The following DDX19B variants were observed in gnomAD, a reference collection of about 807,000 sequenced individuals.
DDX19B encodes DEAD-box helicase 19B.
A neutral mutation model predicts 58.1 loss-of-function variants in DDX19B; 27 were observed. That is an observed-to-expected ratio of 0.46 (90% CI 0.34 to 0.64). The LOEUF is 0.64. DDX19B is among the 30% of genes least tolerant of loss of function. The probability of loss-of-function intolerance (pLI) is 0.01; values close to 1 mark genes in which losing one functional copy is unlikely to be tolerated. For synonymous variants in DDX19B, 187 were observed against 214.4 expected, an observed-to-expected ratio of 0.87 and a Z score of 1.12; for missense variants, 399 against 596.5, an observed-to-expected ratio of 0.67 and a Z score of 3.45.
rs533356540 is a variant in DDX19B, at chr16:70,331,329, G to A, written c.1024-393G>A. Among the ~76,000 whole-genome samples the A allele has an allele frequency of 3.9e-5, 6 of 152,144 alleles. No individual in the cohort carries two copies. In the East Asian group the frequency reaches 5.8e-4, roughly 15 times the overall value. On this transcript the variant is annotated intron_variant, in intron 9 of 11. Transcript: ENST00000288071. Reference sequence around the variant, plus strand: ...TCCCAAAGCCTAAGACTACAGGCACGAGCCACCATATCTGGCAAGAACATA... The same window carrying A: ...TCCCAAAGCCTAAGACTACAGGCACAAGCCACCATATCTGGCAAGAACATA...
chr16:70,292,653 AGC>A (rs1444904926), upstream of DDX19B, among the ~76,000 whole-genome samples: 1 of 152,118 alleles, frequency 6.6e-6, no homozygotes, highest in African/African-American at 2.4e-5. Flanking sequence ...CTCTAGGCTA[AGC>A]AAATAGGCCT....
chr16:70,300,395 A>G (rs1489704567), intron 1 of DDX19B, among the ~76,000 whole-genome samples: 1 of 151,014 alleles, frequency 6.6e-6, no homozygotes, highest in Non-Finnish European at 1.5e-5. Context: ...TTTTGTAGAG[A>G]TGGGGACTTG....
upstream of DDX19B, among the ~76,000 whole-genome samples, chr16:70,293,001 A>G (rs1961099393): frequency 6.6e-6 from 1 of 151,982 alleles, no homozygotes; most frequent in Non-Finnish European, 1.5e-5. Context: ...AGCTACTCAG[A>G]AGGCTGAGGC....
At chr16:70,309,962 C>A (rs1212188872) in intron 1 of DDX19B, among the ~76,000 whole-genome samples, 1 of 151,952 alleles carries the variant, frequency 6.6e-6, no homozygotes, top group Non-Finnish European at 1.5e-5. Context: ...AACAGAAATG[C>A]GGCCTAATGC....
At chr16:70,299,111 G>C, upstream of DDX19B, 1 of 1,327,530 alleles carries the variant, frequency 7.5e-7, no homozygotes, top group Middle Eastern at 2.8e-4. Context: ...CAACAGAATC[G>C]ACAGCCTCAA....
chr16:70,314,812 C>T (rs1420016118), intron 2 of DDX19B, 90 bp from the exon 3 acceptor site: 1 of 1,467,966 alleles, frequency 6.8e-7, no homozygotes, highest in East Asian at 2.4e-5. Flanking sequence ...CAGGCCTTTA[C>T]AAAAACTTCT....
chr16:70,321,950 G>A (rs1428241714), intron 5 of DDX19B, among the ~76,000 whole-genome samples: 3 of 151,852 alleles, frequency 2.0e-5, no homozygotes, highest in Non-Finnish European at 1.5e-5. Context: ...CAAAAGAATC[G>A]CTTGAACCTG....
chr16:70,312,670 T>C lies in DDX19B; in HGVS notation c.106+13T>C, dbSNP rs780041729. On this transcript the variant is annotated intron_variant, in intron 2 of 11. Coordinates refer to ENST00000288071, the MANE Select transcript of DDX19B (RefSeq NM_007242.7). ...CCAGATACCAATGGTAAGTAACTAA[T>C]AGCTAGTTTGAAAACAAATGTGATT... The C allele has an allele frequency of 1.2e-6, 2 of 1,600,428 alleles. No homozygotes were observed. Among genetic ancestry groups the C allele is most frequent in the African/African-American group, 1.3e-5 (1 of 74,420 alleles).
chr16:70,289,783 G>A (rs1434175321), upstream of DDX19B: 1 of 336,976 alleles, frequency 3.0e-6, no homozygotes, highest in Non-Finnish European at 5.7e-6. Context: ...GGCTCCCGGA[G>A]GTCGACATTT....
Position 70,331,894 on chromosome 16 carries a change from G to C in DDX19B, c.1186+10G>C. On this transcript the variant is annotated intron_variant, in intron 10 of 11. Coordinates refer to ENST00000288071, the MANE Select transcript of DDX19B (RefSeq NM_007242.7). ...AACGTGTGTGCCCGCGGTGAGCAGA[G>C]GACGTGTCCCACCTGGTCTGCCAGG... 1 of 1,612,154 alleles carries C rather than the reference G, an allele frequency of 6.2e-7. No individual in the cohort carries two copies. Among genetic ancestry groups the C allele is most frequent in the Non-Finnish European group, 8.5e-7 (1 of 1,178,996 alleles).
At position 70,329,483 on chromosome 16, in the gene DDX19B, G is replaced by A. The variant is rs759292065; in HGVS notation, c.785+14G>A. ...CCGCATCCAGAGGTAGGGATCTCGA[G>A]GGTGGGGGACTCCTCAGATTCCCCA... On this transcript the variant is annotated intron_variant, in intron 8 of 11. Coordinates refer to ENST00000288071, the MANE Select transcript of DDX19B (RefSeq NM_007242.7). The A allele has an allele frequency of 1.8e-5, 29 of 1,613,390 alleles. No individual in the cohort carries two copies. Among genetic ancestry groups the A allele is most frequent in the Non-Finnish European group, 2.2e-5 (26 of 1,179,588 alleles).
intron 1 of DDX19B, among the ~76,000 whole-genome samples, chr16:70,307,675 A>G (rs1039559188): frequency 6.0e-5 from 9 of 149,324 alleles, no homozygotes; most frequent in East Asian, 2.0e-4. Flanking sequence ...ATGTATATAT[A>G]TGTGTGTGTG....
intron 1 of DDX19B, among the ~76,000 whole-genome samples, chr16:70,307,779 A>G (rs1353024179): frequency 6.6e-6 from 1 of 151,622 alleles, no homozygotes; most frequent in Non-Finnish European, 1.5e-5. Context: ...GCTGGAATGC[A>G]GTGGCAAGAT....
In DDX19B at chr16:70,325,579, A is replaced by G. The variant is rs1483261850; in HGVS notation, c.498A>G (p.Leu166=). 1.2e-6 allele frequency: 2 copies of G among 1,612,148 alleles called. No individual in the cohort carries two copies. Among genetic ancestry groups the G allele is most frequent in the Non-Finnish European group, 1.7e-6 (2 of 1,178,898 alleles). Reference sequence around the variant, plus strand: ...CTGCATTCTTTTCCTGCCAGTGTCTATGTCTCTCCCCAACGTATGAGCTCG... The same window carrying G: ...CTGCATTCTTTTCCTGCCAGTGTCTGTGTCTCTCCCCAACGTATGAGCTCG... ...VEPANKYPQC[L]CLSPTYELAL... Residue 166 remains leucine, a synonymous_variant, in exon 7 of 12, where the codon CTA becomes CTG. Coordinates refer to ENST00000288071, the MANE Select transcript of DDX19B (RefSeq NM_007242.7).
At chr16:70,298,307 G>C (rs1427847330), upstream of DDX19B, among the ~76,000 whole-genome samples, 1 of 151,732 alleles carries the variant, frequency 6.6e-6, no homozygotes, top group Non-Finnish European at 1.5e-5. Flanking sequence ...TTGGGAGGCT[G>C]AGGCAAGAGA....
At chr16:70,293,563 C>T (rs942514767), upstream of DDX19B, among the ~76,000 whole-genome samples, 5 of 141,756 alleles carry the variant, frequency 3.5e-5, no homozygotes, top group African/African-American at 1.0e-4. Flanking sequence ...ACAATGCTGG[C>T]TTATTTGGTA....
chr16:70,320,371 GTTTTT>G (rs778237372), intron 5 of DDX19B, among the ~76,000 whole-genome samples: 1 of 126,900 alleles, frequency 7.9e-6, no homozygotes, highest in Admixed American at 8.0e-5. Flanking sequence ...GCCTCCCCCA[GTTTTT>G]TTTTTTTTTT....
upstream of DDX19B, chr16:70,295,058 A>T: frequency 7.7e-7 from 1 of 1,292,436 alleles, no homozygotes. Flanking sequence ...AGAATCCGCC[A>T]TCTGTGAGGT....
At chr16:70,331,655 T>C in intron 9 of DDX19B, 67 bp from the exon 10 acceptor site, 1 of 1,554,842 alleles carries the variant, frequency 6.4e-7, no homozygotes, top group Non-Finnish European at 8.7e-7. Context: ...GCAAGCCACT[T>C]TTTAGCAGTT....
Sources: allele counts gnomAD v4.1 joint callset (sites outside exome capture counted in the v4.1 genomes callset), GRCh38; gene constraint gnomAD v4.1.1; transcripts MANE v1.5; gene names NCBI Gene and HGNC (gene_info 2026-07-23, HGNC 2026-07-21).